The following METTL14 variants were observed in gnomAD, a reference collection of about 807,000 sequenced individuals.
The protein encoded by METTL14 is methyltransferase 14, N6-adenosine-methyltransferase non-catalytic subunit.
A neutral mutation model predicts 62.4 loss-of-function variants in METTL14; 32 were observed. The observed-to-expected ratio is 0.51, with a 90% CI of 0.39 to 0.69. The LOEUF is 0.69. Ranked by LOEUF, METTL14 falls within the 30% of genes least tolerant of loss-of-function variation. METTL14 has a pLI of 0.00. For missense variants in METTL14, 340 were observed against 551.9 expected (o/e 0.62, Z 3.85); for synonymous variants, 150 against 180.0 (o/e 0.83, Z 1.34).
intron 9 of METTL14, among the ~76,000 whole-genome samples, chr4:118,704,332 C>T (rs1724692547): frequency 6.6e-6 from 1 of 152,132 alleles, no homozygotes; most frequent in African/African-American, 2.4e-5. Context: ...CACTCACCCG[C>T]AGAATTTTTC....
At chr4:118,690,032 A>ATTTTTT (rs1579065564) in intron 3 of METTL14, among the ~76,000 whole-genome samples, 2 of 87,298 alleles carry the variant, frequency 2.3e-5, no homozygotes, top group African/African-American at 3.6e-5. Context: ...AGGTAATAAT[A>ATTTTTT]TTCTTTTTTT....
At chr4:118,694,299 A>C in intron 5 of METTL14, 137 bp from the exon 6 acceptor site, 1 of 583,926 alleles carries the variant, frequency 1.7e-6, no homozygotes, top group South Asian at 2.5e-5. Context: ...AAATTATTAG[A>C]AGTTAAGCTT....
rs745532913 is a variant in METTL14, at chr4:118,691,556, G to C, written c.268G>C (p.Glu90Gln). Reference sequence around the variant, plus strand: ...GGATGAACTAGAAATGCAACAGGATGAAGAAAATTTGCCATATGAAGAAGA... The same window carrying C: ...GGATGAACTAGAAATGCAACAGGATCAAGAAAATTTGCCATATGAAGAAGA... ...YKDELEMQQD[E>Q]ENLPYEEEIY... The change falls in exon 4 of 11, where the codon GAA becomes CAA. Residue 90 changes from glutamate (E) to glutamine (Q), a missense_variant. Glu to Gln is a conservative substitution (Grantham distance 29). This residue lies in a region of METTL14 where 111 missense variants were observed against 116.6 expected (regional missense o/e 0.95). Transcript: ENST00000388822. 1.3e-6 allele frequency: 2 copies of C among 1,555,122 alleles called. No homozygotes were observed. Among genetic ancestry groups the C allele is most frequent in the Admixed American group, 4.0e-5 (2 of 50,354 alleles).
At chr4:118,708,373 A>G (rs182039118) in intron 10 of METTL14, among the ~76,000 whole-genome samples, 1 of 152,264 alleles carries the variant, frequency 6.6e-6, no homozygotes, top group African/African-American at 2.4e-5. Context: ...TTCCACATAT[A>G]TTGAATATTA....
chr4:118,687,852 A>G, intron 1 of METTL14, 71 bp from the exon 2 acceptor site: 1 of 1,224,572 alleles, frequency 8.2e-7, no homozygotes, highest in South Asian at 1.3e-5. Context: ...AATGTATTAA[A>G]TGCTGCTACA....
intron 10 of METTL14, among the ~76,000 whole-genome samples, chr4:118,707,663 CAAAAAAAAA>C (rs58896173): frequency 1.8e-5 from 1 of 54,070 alleles, no homozygotes; most frequent in Non-Finnish European, 3.9e-5. Context: ...GACCCTGTCT[CAAAAAAAAA>C]AAAAAAAAAA....
chr4:118,691,278 A>AT (rs767915483), intron 3 of METTL14, among the ~76,000 whole-genome samples: 1 of 152,200 alleles, frequency 6.6e-6, no homozygotes, highest in South Asian at 2.1e-4. Context: ...TGTATATGAG[A>AT]TAAATAGTTT....
chr4:118,689,247 T>C, intron 2 of METTL14, 123 bp from the exon 3 acceptor site: 1 of 504,932 alleles, frequency 2.0e-6, no homozygotes, highest in East Asian at 3.3e-5. Context: ...ACTGCGTAGA[T>C]AGATATTCTT....
intron 7 of METTL14, among the ~76,000 whole-genome samples, chr4:118,698,565 G>C (rs1724495264): frequency 6.6e-6 from 1 of 151,988 alleles, no homozygotes; most frequent in South Asian, 2.1e-4. Flanking sequence ...GTAATAGTAG[G>C]AATGGAAAGA....
chr4:118,706,785 AGT>A (rs1407687137), intron 10 of METTL14, among the ~76,000 whole-genome samples: 1 of 152,162 alleles, frequency 6.6e-6, no homozygotes, highest in African/African-American at 2.4e-5. Context: ...GTGTGTGTGT[AGT>A]GGTATCATAA....
intron 10 of METTL14, among the ~76,000 whole-genome samples, chr4:118,708,045 C>T (rs914556856): frequency 5.9e-5 from 9 of 152,156 alleles, no homozygotes; most frequent in Admixed American, 5.2e-4. Flanking sequence ...AAGCTGGTCT[C>T]GAACTCCTGA....
In METTL14 at chr4:118,712,743, C is replaced by CT. The variant is rs1261683672; in HGVS notation, c.*2442dup. ...TTTAGAAGTTAGAAGATCAGCATGT[C>CT]TGAGTTTTTACAGAATTATAATTCA... On this transcript the variant is annotated 3_prime_UTR_variant, in exon 11 of 11. Coordinates refer to ENST00000388822, the MANE Select transcript of METTL14 (RefSeq NM_020961.4). 2 of 152,106 alleles carry CT rather than the reference C, an allele frequency of 1.3e-5. No homozygotes were observed. The highest frequency in any genetic ancestry group is 3.8e-4 in the East Asian group (2 of 5,200). The allele number at this position is 152,106 out of a possible 1,614,324, so 9.4% of individuals were successfully genotyped here.
At chr4:118,691,049 C>T (rs1453932260) in intron 3 of METTL14, among the ~76,000 whole-genome samples, 1 of 151,520 alleles carries the variant, frequency 6.6e-6, no homozygotes. Flanking sequence ...TACCTAATCT[C>T]GTGAATATTG....
chr4:118,688,327 C>T (rs1016788027), intron 2 of METTL14, among the ~76,000 whole-genome samples: 1 of 151,900 alleles, frequency 6.6e-6, no homozygotes, highest in African/African-American at 2.4e-5. Flanking sequence ...ATCCCCGCTA[C>T]TCGGGAGCCT....
chr4:118,714,344 C>G lies in METTL14; in HGVS notation c.*4042C>G, dbSNP rs1393034607. The G allele has an allele frequency of 1.3e-5, 2 of 152,160 alleles. No individual in the cohort carries two copies. Among genetic ancestry groups the G allele is most frequent in the African/African-American group, 4.8e-5 (2 of 41,430 alleles). The allele number at this position is 152,160 out of a possible 1,614,324, so 9.4% of individuals were successfully genotyped here. On this transcript the variant is annotated 3_prime_UTR_variant, in exon 11 of 11. Coordinates refer to ENST00000388822, the MANE Select transcript of METTL14 (RefSeq NM_020961.4). ...TAGTAAATGGCCACTGACTCTTGGT[C>G]TCAGGCCATAGCAACTATAGAGAGA... is the stretch of plus-strand genomic sequence containing the variant.
intron 10 of METTL14, among the ~76,000 whole-genome samples, chr4:118,708,080 C>A (rs1680948420): frequency 2.0e-5 from 3 of 152,152 alleles, no homozygotes; most frequent in Non-Finnish European, 4.4e-5. Flanking sequence ...CCGCCTTGGC[C>A]TCCAAATTGC....
At chr4:118,707,957 T>A (rs928490128) in intron 10 of METTL14, among the ~76,000 whole-genome samples, 2 of 151,842 alleles carry the variant, frequency 1.3e-5, no homozygotes, top group Non-Finnish European at 2.9e-5. Context: ...CCTGAGTAGC[T>A]GGGACTGCAG....
At chr4:118,690,712 A>C (rs1299219686) in intron 3 of METTL14, among the ~76,000 whole-genome samples, 1 of 151,914 alleles carries the variant, frequency 6.6e-6, no homozygotes. Context: ...ACTTTGGGTA[A>C]TTGATTGGAT....
At chr4:118,707,767 A>G (rs1390702990) in intron 10 of METTL14, among the ~76,000 whole-genome samples, 1 of 152,022 alleles carries the variant, frequency 6.6e-6, no homozygotes, top group African/African-American at 2.4e-5. Context: ...CCTTAGGAAT[A>G]CAATTTACCA....
Sources: allele counts gnomAD v4.1 joint callset (sites outside exome capture counted in the v4.1 genomes callset), GRCh38; gene constraint gnomAD v4.1.1; regional missense constraint gnomAD v4.1.1; transcripts MANE v1.5; gene names NCBI Gene and HGNC (gene_info 2026-07-23, HGNC 2026-07-21).